SREBF2: variants seen among roughly 807,000 people sequenced by gnomAD.
SREBF2 encodes the protein sterol regulatory element-binding protein 2.
Under a neutral mutation model 113.1 loss-of-function variants are expected in SREBF2, and 55 were observed. The observed-to-expected ratio is 0.49, with a 90% CI of 0.39 to 0.61. SREBF2 has a LOEUF of 0.61. Among genes scored for constraint, SREBF2 ranks in the 20% least tolerant of loss-of-function variants. The pLI is 0.00. For missense variants in SREBF2, 1,349 were observed against 1,487.4 expected (o/e 0.91, Z 1.53); for synonymous variants, 593 against 605.7 (o/e 0.98, Z 0.31).
rs546743530 is a variant in SREBF2 at position 41,861,494 on chromosome 22, TA to T, written c.89-5324del. ...CTGGGCAACTGAGTAAGACTCCATT[TA>T]AAAAAAAAAAAATTGACAATGGATG... On this transcript the variant is annotated intron_variant, in intron 1 of 18. Coordinates refer to ENST00000361204, the MANE Select transcript of SREBF2 (RefSeq NM_004599.4). Among the ~76,000 whole-genome samples the T allele has an allele frequency of 1.8e-3, 257 of 145,052 alleles. 2 individuals are homozygous for T. Among genetic ancestry groups the T allele is most frequent in the South Asian group, 0.013 (58 of 4,616 alleles).
rs777891538 is a variant in SREBF2, at chr22:41,844,015, C to CAA, written c.88+10669_88+10670dup. ...TCGTCAACAGAGCGAGACCCTGTCTCAAAAAAAAAAAAATACATACACACA... is the reference window on the plus strand; with the variant it reads ...TCGTCAACAGAGCGAGACCCTGTCTCAAAAAAAAAAAAAAATACATACACACA... On this transcript the variant is annotated intron_variant, in intron 1 of 18. Transcript: ENST00000361204. 4.5e-4 allele frequency among the ~76,000 whole-genome samples: 42 copies of CAA among 93,228 alleles called. 1 individual carries two copies. The highest frequency in any genetic ancestry group is 6.9e-4 in the Admixed American group (6 of 8,718). The allele number at this position is 93,228 out of a possible 152,430, so 61.2% of individuals were successfully genotyped here.
chr22:41,870,628 CAAAAAAAAA>C (rs133289), intron 3 of SREBF2, among the ~76,000 whole-genome samples: 3 of 56,154 alleles, frequency 5.3e-5, no homozygotes, highest in African/African-American at 2.1e-4. Context: ...CCTGTCTCAG[CAAAAAAAAA>C]AAAAAAAAAA....
intron 10 of SREBF2, among the ~76,000 whole-genome samples, chr22:41,884,600 G>C (rs906274334): frequency 3.4e-4 from 52 of 152,310 alleles, no homozygotes; most frequent in East Asian, 2.3e-3. Flanking sequence ...CTGCAATTGT[G>C]ACAGCTCTGG....
intron 1 of SREBF2, 84 bp from the exon 2 acceptor site, chr22:41,866,747 G>A: frequency 6.7e-7 from 1 of 1,502,222 alleles, no homozygotes; most frequent in Non-Finnish European, 9.3e-7. Flanking sequence ...AAGTCATTGA[G>A]TTTTCATGCC....
intron 1 of SREBF2, among the ~76,000 whole-genome samples, chr22:41,865,892 T>A (rs1184942326): frequency 4.6e-5 from 7 of 152,226 alleles, no homozygotes; most frequent in Non-Finnish European, 8.8e-5. Context: ...TTTCCTCTCC[T>A]GGACTTCATA....
At chr22:41,840,775 G>A (rs915642508) in intron 1 of SREBF2, among the ~76,000 whole-genome samples, 2 of 152,088 alleles carry the variant, frequency 1.3e-5, no homozygotes, top group African/African-American at 4.8e-5. Context: ...CCATGACAAC[G>A]TGCCTTGATG....
intron 4 of SREBF2, among the ~76,000 whole-genome samples, chr22:41,873,314 A>G (rs1233910845): frequency 6.6e-6 from 1 of 152,228 alleles, no homozygotes; most frequent in African/African-American, 2.4e-5. Context: ...AATGGCTCTT[A>G]TTGAGAGTGT....
At chr22:41,884,227 G>T (rs915345566) in intron 10 of SREBF2, among the ~76,000 whole-genome samples, 1 of 152,044 alleles carries the variant, frequency 6.6e-6, no homozygotes. Context: ...CCTCCGCATC[G>T]CAGGCTCAAG....
chr22:41,861,409 T>C (rs141849582), intron 1 of SREBF2, among the ~76,000 whole-genome samples: 1 of 151,968 alleles, frequency 6.6e-6, no homozygotes, highest in East Asian at 1.9e-4. Context: ...GGCAGGAGAA[T>C]TGCTTGAACC....
chr22:41,872,249 CAA>C (rs57889677), intron 4 of SREBF2, among the ~76,000 whole-genome samples: 58 of 113,348 alleles, frequency 5.1e-4, no homozygotes, highest in Admixed American at 1.1e-3. Flanking sequence ...ATCTCCGTCT[CAA>C]AAAAAAAAAA....
intron 1 of SREBF2, among the ~76,000 whole-genome samples, chr22:41,858,672 A>C (rs1397954541): frequency 6.6e-6 from 1 of 152,128 alleles, no homozygotes; most frequent in Non-Finnish European, 1.5e-5. Context: ...CCTTAAGCCC[A>C]GGAGGTAGAG....
At chr22:41,900,251 G>C in intron 15 of SREBF2, 79 bp from the exon 16 acceptor site, 1 of 1,583,740 alleles carries the variant, frequency 6.3e-7, no homozygotes, top group Non-Finnish European at 8.5e-7. Context: ...GGGCGTGGCA[G>C]TCACTGGCTT....
chr22:41,889,894 G>A (rs1475708651), intron 11 of SREBF2, among the ~76,000 whole-genome samples: 3 of 151,942 alleles, frequency 2.0e-5, no homozygotes, highest in Non-Finnish European at 4.4e-5. Flanking sequence ...CCAGCTACTC[G>A]GAAGGCTGAG....
chr22:41,905,378 C>T, intron 18 of SREBF2, 62 bp from the exon 19 acceptor site: 1 of 1,484,508 alleles, frequency 6.7e-7, no homozygotes, highest in Non-Finnish European at 9.1e-7. Context: ...CCAGGTAACG[C>T]CAAGGAACTG....
intron 1 of SREBF2, among the ~76,000 whole-genome samples, chr22:41,851,303 T>C (rs1225562771): frequency 6.6e-6 from 1 of 152,162 alleles, no homozygotes; most frequent in East Asian, 1.9e-4. Flanking sequence ...CTGGCTTTTA[T>C]TCAAAGGTTT....
intron 13 of SREBF2, among the ~76,000 whole-genome samples, chr22:41,895,717 T>C (rs771481077): frequency 6.6e-6 from 1 of 152,018 alleles, no homozygotes; most frequent in African/African-American, 2.4e-5. Flanking sequence ...ATTACAGGCA[T>C]GAGCCACCAC....
chr22:41,892,647 C>CAAAAA (rs397967305), intron 11 of SREBF2, among the ~76,000 whole-genome samples: 3 of 76,950 alleles, frequency 3.9e-5, no homozygotes, highest in African/African-American at 1.2e-4. Context: ...AACTCCGTCT[C>CAAAAA]AAAAAAAAAA....
chr22:41,840,276 GT>G (rs2076816565), intron 1 of SREBF2, among the ~76,000 whole-genome samples: 2 of 152,080 alleles, frequency 1.3e-5, no homozygotes, highest in Admixed American at 1.3e-4. Context: ...TAGTTTCTAT[GT>G]TCCTGTAACT....
At position 41,885,030 on chromosome 22, in the gene SREBF2, C is replaced by T. The variant is rs982567740; in HGVS notation, c.2208+19C>T. The T allele has an allele frequency of 6.2e-7, 1 of 1,613,510 alleles. No homozygotes were observed. Among genetic ancestry groups the T allele is most frequent in the Non-Finnish European group, 8.5e-7 (1 of 1,179,906 alleles). On this transcript the variant is annotated intron_variant, in intron 11 of 18. Transcript: ENST00000361204. Reference sequence around the variant, plus strand: ...CCTGGCCGTGAGTACCCTTCGGTTCCCTTCTGTAAACCTCCCCTGAGCACT... The same window carrying T: ...CCTGGCCGTGAGTACCCTTCGGTTCTCTTCTGTAAACCTCCCCTGAGCACT...
Sources: gnomAD v4.1 joint callset for allele counts (sites outside exome capture counted in the v4.1 genomes callset) on GRCh38, gnomAD v4.1.1 for gene constraint, MANE v1.5 for transcripts, NCBI Gene and HGNC (gene_info 2026-07-23, HGNC 2026-07-21) for gene names.